Variants in GCH1 observed in about 807,000 individuals in gnomAD.
GCH1 encodes the protein GTP cyclohydrolase I.
GCH1 carries 5 observed loss-of-function variants against 25.9 expected under a neutral mutation model. That is an observed-to-expected ratio of 0.19 (90% CI 0.10 to 0.41). The LOEUF (loss-of-function observed/expected upper bound fraction) is 0.41. Ranked by LOEUF, GCH1 falls within the 10% of genes least tolerant of loss-of-function variation. The pLI is 1.00. For missense variants in GCH1, 261 were observed against 336.5 expected (o/e 0.78, Z 1.75); for synonymous variants, 159 against 129.6 (o/e 1.23, Z -1.54).
At chr14:54,895,268 G>C (rs1039554604) in intron 1 of GCH1, among the ~76,000 whole-genome samples, 4 of 152,216 alleles carry the variant, frequency 2.6e-5, no homozygotes, top group African/African-American at 9.6e-5. Context: ...CCCTCACAGG[G>C]AAGCAGTCAG....
chr14:54,881,011 G>C (rs2040264425), intron 1 of GCH1, among the ~76,000 whole-genome samples: 1 of 151,160 alleles, frequency 6.6e-6, no homozygotes, highest in African/African-American at 2.4e-5. Flanking sequence ...TTTTAGTAGA[G>C]ACAGGGTTTC....
intron 1 of GCH1, among the ~76,000 whole-genome samples, chr14:54,886,971 CA>C (rs1370304500): frequency 6.6e-6 from 1 of 152,236 alleles, no homozygotes; most frequent in Non-Finnish European, 1.5e-5. Context: ...GCCAGGAGAG[CA>C]GAGCAGAAAG....
chr14:54,879,968 G>C (rs1263749239), intron 1 of GCH1, among the ~76,000 whole-genome samples: 5 of 115,176 alleles, frequency 4.3e-5, no homozygotes, highest in African/African-American at 1.3e-4. Context: ...CTGGGTGACA[G>C]AGTAAGGCTC....
chr14:54,899,029 G>C (rs1320083996), intron 1 of GCH1, among the ~76,000 whole-genome samples: 1 of 152,172 alleles, frequency 6.6e-6, no homozygotes, highest in Non-Finnish European at 1.5e-5. Context: ...ACACAGGTCA[G>C]GATCACCAAG....
chr14:54,851,346 G>A (rs1320541067), intron 3 of GCH1, among the ~76,000 whole-genome samples: 1 of 152,038 alleles, frequency 6.6e-6, no homozygotes, highest in African/African-American at 2.4e-5. Context: ...CAAAAGCAAT[G>A]GCAACAAAAG....
intron 3 of GCH1, among the ~76,000 whole-genome samples, chr14:54,857,552 A>T (rs1185403053): frequency 1.3e-5 from 2 of 152,066 alleles, no homozygotes; most frequent in South Asian, 4.2e-4. Context: ...GAATTTCTAT[A>T]TGGGCAAGGT....
intron 1 of GCH1, among the ~76,000 whole-genome samples, chr14:54,882,067 A>T (rs1046336976): frequency 6.6e-6 from 1 of 152,256 alleles, no homozygotes; most frequent in Non-Finnish European, 1.5e-5. Flanking sequence ...GGTAAGATGT[A>T]GAAATAATCA....
intron 1 of GCH1, among the ~76,000 whole-genome samples, chr14:54,898,289 A>G (rs1170537249): frequency 6.6e-6 from 1 of 152,236 alleles, no homozygotes; most frequent in Non-Finnish European, 1.5e-5. Flanking sequence ...AATATAGTAG[A>G]AAAGACTTAA....
intron 1 of GCH1, 130 bp downstream of exon 1, chr14:54,902,191 G>C (rs533123558): frequency 2.0e-6 from 2 of 1,007,202 alleles, no homozygotes; most frequent in African/African-American, 3.2e-5. Flanking sequence ...GGGCGGGTTC[G>C]GAGGTGACAG....
At chr14:54,885,165 C>G in intron 1 of GCH1, 1 of 244,672 alleles carries the variant, frequency 4.1e-6, no homozygotes, top group East Asian at 1.1e-4. Context: ...GGTAATCATC[C>G]TGAATCTGAA....
intron 1 of GCH1, 71 bp downstream of exon 1, chr14:54,902,250 A>C: frequency 6.6e-7 from 1 of 1,519,524 alleles, no homozygotes. Flanking sequence ...AACTTCCTGG[A>C]GCCGGCGCGC....
rs950419656 is a variant in GCH1 at position 54,890,236 on chromosome 14, G to A, written c.343+12085C>T. 6.6e-5 allele frequency among the ~76,000 whole-genome samples: 10 copies of A among 152,352 alleles called. No homozygotes were observed. The South Asian group carries it at 1.9e-3, about 28-fold the overall frequency. On this transcript the variant is annotated intron_variant, in intron 1 of 5. Transcript: ENST00000491895. ...AACCAGGCCGGGAGCGGTGGCTTAC[G>A]CCTGTAATCCCAGCACTTTGGGAGG...
chr14:54,845,307 A>G (rs2039624700), intron 5 of GCH1, among the ~76,000 whole-genome samples: 1 of 149,886 alleles, frequency 6.7e-6, no homozygotes, highest in Non-Finnish European at 1.5e-5. Context: ...ATGAAACCCC[A>G]TCTCTATTAA....
intron 3 of GCH1, among the ~76,000 whole-genome samples, chr14:54,853,606 G>C (rs933031337): frequency 2.0e-5 from 3 of 152,170 alleles, no homozygotes; most frequent in Non-Finnish European, 4.4e-5. Flanking sequence ...ATCAGTAGTT[G>C]TCAGTTTTAA....
intron 1 of GCH1, among the ~76,000 whole-genome samples, chr14:54,901,379 C>CA (rs1297523384): frequency 1.6e-4 from 25 of 152,128 alleles, no homozygotes; most frequent in Admixed American, 1.6e-3. Context: ...TTTTTAAACA[C>CA]AGACCAATAC....
At chr14:54,857,247 T>C (rs909469448) in intron 3 of GCH1, among the ~76,000 whole-genome samples, 36 of 152,232 alleles carry the variant, frequency 2.4e-4, no homozygotes, top group Admixed American at 3.9e-4. Context: ...AATCAACTCC[T>C]TTGTATTGTT....
In GCH1 at chr14:54,842,766, G is replaced by C. The variant is rs1566657826; in HGVS notation, c.*1251C>G. ...GTTTCTGTGGAGGAGTTGCGGTTTT[G>C]TTTGTTTTAATTTGGCCCACGCTGC... On this transcript the variant is annotated 3_prime_UTR_variant, in exon 6 of 6. Coordinates refer to ENST00000491895, the MANE Select transcript of GCH1 (RefSeq NM_000161.3). 3 of 379,998 alleles carry C rather than the reference G, an allele frequency of 7.9e-6. No individual in the cohort carries two copies. The highest frequency in any genetic ancestry group is 1.4e-5 in the Non-Finnish European group (3 of 214,700). 23.5% of individuals were successfully genotyped at this position (379,998 alleles called of 1,614,324 possible).
At chr14:54,891,856 A>G (rs2040427713) in intron 1 of GCH1, among the ~76,000 whole-genome samples, 1 of 152,176 alleles carries the variant, frequency 6.6e-6, no homozygotes, top group Non-Finnish European at 1.5e-5. Context: ...TATCCATCTC[A>G]GTGATCAAAT....
chr14:54,901,308 G>A (rs926510825), intron 1 of GCH1, among the ~76,000 whole-genome samples: 3 of 152,172 alleles, frequency 2.0e-5, no homozygotes, highest in African/African-American at 4.8e-5. Context: ...CAAGACACAC[G>A]GAAGGTGTAG....
Sources: gnomAD v4.1 joint callset for allele counts (sites outside exome capture counted in the v4.1 genomes callset) on GRCh38, gnomAD v4.1.1 for gene constraint, MANE v1.5 for transcripts, NCBI Gene and HGNC (gene_info 2026-07-23, HGNC 2026-07-21) for gene names.